STON2: variants seen among roughly 807,000 people sequenced by gnomAD.
STON2 encodes the protein stonin 2.
In STON2, 29 loss-of-function variants were observed where a neutral mutation model predicts 65.7. The ratio of observed to expected loss-of-function variants is 0.44; its 90% CI spans 0.33 to 0.60. The LOEUF (loss-of-function observed/expected upper bound fraction) is 0.60. Ranked by LOEUF, STON2 falls within the 20% of genes least tolerant of loss-of-function variation. STON2 has a pLI of 0.03. For synonymous variants in STON2, 404 were observed against 414.2 expected (o/e 0.98, Z 0.30); for missense variants, 1,054 against 1,118.1 (o/e 0.94, Z 0.82).
upstream of STON2, among the ~76,000 whole-genome samples, chr14:81,401,762 T>C (rs900523774): frequency 2.0e-5 from 3 of 152,220 alleles, no homozygotes; most frequent in Non-Finnish European, 4.4e-5. Flanking sequence ...CTCAGCATTA[T>C]ACAAAAATTT....
At chr14:81,295,762 C>T (rs959795604) in intron 5 of STON2, among the ~76,000 whole-genome samples, 1 of 152,158 alleles carries the variant, frequency 6.6e-6, no homozygotes, top group South Asian at 2.1e-4. Context: ...TACAGATGTT[C>T]AAGTCACCAA....
chr14:81,392,371 C>G lies in STON2; in HGVS notation c.373+3523G>C, dbSNP rs369894425. Among the ~76,000 whole-genome samples, 6 of 152,266 alleles carry G rather than the reference C, an allele frequency of 3.9e-5. No individual in the cohort carries two copies. In the East Asian group the frequency reaches 9.7e-4, roughly 25 times the overall value. ...GGAAGTGCTCTAGATGAACTCTGGCCTCGCTGAGAGTCCCTGTTTCCCCTC... is the reference window on the plus strand; with the variant it reads ...GGAAGTGCTCTAGATGAACTCTGGCGTCGCTGAGAGTCCCTGTTTCCCCTC... On this transcript the variant is annotated intron_variant, in intron 3 of 7. Transcript: ENST00000614646.
chr14:81,340,596 T>G (rs1476746145), intron 4 of STON2, among the ~76,000 whole-genome samples: 2 of 152,208 alleles, frequency 1.3e-5, no homozygotes, highest in South Asian at 2.1e-4. Context: ...CCAGCCCCGC[T>G]GGCAGTAAGC....
At chr14:81,374,313 C>A (rs916806873) in intron 3 of STON2, among the ~76,000 whole-genome samples, 2 of 151,994 alleles carry the variant, frequency 1.3e-5, no homozygotes, top group African/African-American at 4.8e-5. Flanking sequence ...GCCACCACGC[C>A]CGGCCAATAA....
At position 81,278,448 on chromosome 14, in the gene STON2, T is replaced by A; in HGVS notation, c.1034A>T (p.Lys345Ile). 6.2e-7 allele frequency: 1 copy of A among 1,614,160 alleles called. No homozygotes were observed. The highest frequency in any genetic ancestry group is 8.5e-7 in the Non-Finnish European group (1 of 1,180,016). ...RPKSTLMNFS[K>I]VQKLDISSLN... ...AGAGGAAATATCCAGCTTCTGAACTTTGGAGAAGTTCATCAAAGTGCTCTT... is the reference window on the plus strand; with the variant it reads ...AGAGGAAATATCCAGCTTCTGAACTATGGAGAAGTTCATCAAAGTGCTCTT... Residue 345 changes from lysine (K) to isoleucine (I), a missense_variant, in exon 6 of 8, where the codon AAA becomes ATA. Lys to Ile is a moderately radical substitution (Grantham distance 102). Transcript: ENST00000614646.
At chr14:81,305,482 T>C (rs1046231501) in intron 5 of STON2, among the ~76,000 whole-genome samples, 2 of 152,236 alleles carry the variant, frequency 1.3e-5, no homozygotes, top group Non-Finnish European at 2.9e-5. Context: ...CCTTTTCATA[T>C]GTTTATTGGC....
chr14:81,361,128 A>G (rs72703719), intron 4 of STON2, among the ~76,000 whole-genome samples: 2,801 of 152,276 alleles, frequency 0.018, 45 homozygotes, highest in South Asian at 0.075. Flanking sequence ...TTTTTCATTA[A>G]AATAGAAAAC....
intron 1 of STON2, among the ~76,000 whole-genome samples, chr14:81,430,846 C>T (rs1316472232): frequency 1.3e-5 from 2 of 152,034 alleles, no homozygotes; most frequent in South Asian, 2.1e-4. Context: ...TAAATGTTAT[C>T]CAGTGGGGAT....
chr14:81,421,350 C>T (rs1319918821), intron 2 of STON2, among the ~76,000 whole-genome samples: 1 of 152,104 alleles, frequency 6.6e-6, no homozygotes, highest in Non-Finnish European at 1.5e-5. Context: ...CAGACAGGGC[C>T]CAGTAGGCCA....
At chr14:81,269,899 C>A (rs1156529259) in intron 7 of STON2, 1 of 985,232 alleles carries the variant, frequency 1.0e-6, no homozygotes, top group Non-Finnish European at 1.2e-6. Flanking sequence ...ATTTGCTTGG[C>A]TTTTGAGTTT....
Position 81,277,017 on chromosome 14 carries a change from G to C in STON2, c.2465C>G (p.Ser822Cys), listed in dbSNP as rs750715844. ...AKVNRGASFG[S>C]TSVSGSEPVM... ...AGGCTCAGAGCCAGAAACACTAGTG[G>C]AGCCAAAACTTGCCCCCCGGTTCAC... Residue 822 changes from serine (S) to cysteine (C), a missense_variant, in exon 6 of 8, where the codon TCC (serine) becomes TGC (cysteine). By Grantham distance (112) the Ser-to-Cys change is moderately radical. Transcript: ENST00000614646. The C allele has an allele frequency of 2.3e-5, 37 of 1,614,088 alleles. No homozygotes were observed. Among genetic ancestry groups the C allele is most frequent in the Non-Finnish European group, 3.1e-5 (36 of 1,180,046 alleles).
chr14:81,354,256 C>T (rs1397550898), intron 4 of STON2, among the ~76,000 whole-genome samples: 1 of 152,152 alleles, frequency 6.6e-6, no homozygotes, highest in Non-Finnish European at 1.5e-5. Flanking sequence ...CAGCCAGCTG[C>T]CCCATCCAAA....
intron 2 of STON2, among the ~76,000 whole-genome samples, chr14:81,420,193 T>G (rs769147811): frequency 2.0e-5 from 3 of 152,238 alleles, no homozygotes; most frequent in Admixed American, 6.5e-5. Flanking sequence ...GATGGCCGAA[T>G]GATTCAGTCC....
At chr14:81,281,621 G>T (rs575917480) in intron 5 of STON2, among the ~76,000 whole-genome samples, 15 of 152,280 alleles carry the variant, frequency 9.9e-5, no homozygotes, top group African/African-American at 3.1e-4. Flanking sequence ...ATTCCCTTCT[G>T]TTGGGAATCT....
chr14:81,372,178 C>A (rs1258122513), intron 3 of STON2, among the ~76,000 whole-genome samples: 1 of 152,138 alleles, frequency 6.6e-6, no homozygotes, highest in Non-Finnish European at 1.5e-5. Context: ...TAAAGTCTTT[C>A]AAATTTGAAA....
chr14:81,412,993 CA>C, intron 2 of STON2: 3 of 1,084,706 alleles, frequency 2.8e-6, no homozygotes, highest in Non-Finnish European at 4.1e-6. Flanking sequence ...AGGCCGTGAT[CA>C]AAAATGCGGA....
intron 5 of STON2, among the ~76,000 whole-genome samples, chr14:81,320,839 G>C (rs1896797557): frequency 6.6e-6 from 1 of 152,108 alleles, no homozygotes; most frequent in African/African-American, 2.4e-5. Flanking sequence ...AAGGACCCCA[G>C]AGCATTAGCA....
At chr14:81,430,311 C>T (rs1168731079) in intron 1 of STON2, among the ~76,000 whole-genome samples, 1 of 152,218 alleles carries the variant, frequency 6.6e-6, no homozygotes, top group Non-Finnish European at 1.5e-5. Flanking sequence ...AGCATAGAGG[C>T]TGTGTCAGAG....
chr14:81,313,791 T>C (rs1896518450), intron 5 of STON2, among the ~76,000 whole-genome samples: 1 of 113,214 alleles, frequency 8.8e-6, no homozygotes, highest in South Asian at 3.2e-4. Context: ...AGAGACTCCG[T>C]CTCAAAAAAA....
Sources: gnomAD v4.1 joint callset for allele counts (sites outside exome capture counted in the v4.1 genomes callset) on GRCh38, gnomAD v4.1.1 for gene constraint, MANE v1.5 for transcripts, NCBI Gene and HGNC (gene_info 2026-07-23, HGNC 2026-07-21) for gene names.